Variants in PRKG2 observed in about 807,000 individuals in gnomAD.
PRKG2 encodes the protein cGMP-dependent protein kinase 2.
In PRKG2, 33 loss-of-function variants were observed where a neutral mutation model predicts 97.2. The ratio of observed to expected loss-of-function variants is 0.34; its 90% CI spans 0.26 to 0.45. The LOEUF (loss-of-function observed/expected upper bound fraction) is 0.45. Among genes scored for constraint, PRKG2 ranks in the 20% least tolerant of loss-of-function variants. The probability of loss-of-function intolerance (pLI) is 1.00; values close to 1 mark genes in which losing one functional copy is unlikely to be tolerated. For missense variants in PRKG2, 638 were observed against 900.0 expected (o/e 0.71, Z 3.73); for synonymous variants, 330 against 321.8 (o/e 1.03, Z -0.27).
At chr4:81,097,979 T>C (rs1261017176) in intron 17 of PRKG2, among the ~76,000 whole-genome samples, 9 of 152,132 alleles carry the variant, frequency 5.9e-5, no homozygotes, top group African/African-American at 2.2e-4. Flanking sequence ...ATTGTGATGG[T>C]TAATAATGAG....
chr4:81,182,676 A>G (rs996560885), intron 2 of PRKG2, among the ~76,000 whole-genome samples: 1 of 152,126 alleles, frequency 6.6e-6, no homozygotes, highest in Admixed American at 6.5e-5. Context: ...GTAAACCACC[A>G]ATATCAACAG....
Position 81,204,698 on chromosome 4 carries a change from C to A in PRKG2, c.350G>T (p.Ser117Ile), listed in dbSNP as rs1375660918. Residue 117 changes from serine (S) to isoleucine (I), a missense_variant, in exon 2 of 19, where the codon AGC (serine) becomes ATC (isoleucine). Ser to Ile is a moderately radical substitution (Grantham distance 142). This residue lies in a region of PRKG2 where 332 missense variants were observed against 421.7 expected (regional missense o/e 0.79). Transcript: ENST00000264399. ...RKTSGLVSLH[S>I]RRGAKAGVSA... Reference sequence around the variant, plus strand: ...CACGCCAGCCTTTGCTCCCCTCCTGCTATGGAGAGAGACCAATCCAGAGGT... The same window carrying A: ...CACGCCAGCCTTTGCTCCCCTCCTGATATGGAGAGAGACCAATCCAGAGGT... 3 of 1,614,080 alleles carry A rather than the reference C, an allele frequency of 1.9e-6. No individual in the cohort carries two copies. The highest frequency in any genetic ancestry group is 1.7e-6 in the Non-Finnish European group (2 of 1,180,038).
At chr4:81,188,348 G>T (rs1221530011) in intron 2 of PRKG2, among the ~76,000 whole-genome samples, 2 of 149,402 alleles carry the variant, frequency 1.3e-5, no homozygotes. Flanking sequence ...AGTTAGAATG[G>T]CAATCATTAA....
intron 2 of PRKG2, among the ~76,000 whole-genome samples, chr4:81,187,895 G>C (rs886969790): frequency 6.6e-6 from 1 of 151,882 alleles, no homozygotes; most frequent in Non-Finnish European, 1.5e-5. Flanking sequence ...AGACTTAAAC[G>C]TTAGACCTAA....
chr4:81,136,667 T>A (rs1746731540), intron 13 of PRKG2, among the ~76,000 whole-genome samples: 2 of 152,174 alleles, frequency 1.3e-5, no homozygotes, highest in South Asian at 4.2e-4. Context: ...CCTTCCTCTA[T>A]CATCACATTC....
At chr4:81,148,828 A>C (rs1748107558) in intron 9 of PRKG2, 56 bp downstream of exon 9, 2 of 1,465,300 alleles carry the variant, frequency 1.4e-6, no homozygotes, top group Non-Finnish European at 1.9e-6. Flanking sequence ...AAGTAACAGA[A>C]GGCCAAGTCT....
In PRKG2 at chr4:81,204,574, G is replaced by A. The variant is rs374628854; in HGVS notation, c.461+13C>T. 3.1e-4 allele frequency: 496 copies of A among 1,605,718 alleles called. 1 individual carries two copies. The highest frequency in any genetic ancestry group is 3.7e-4 in the Non-Finnish European group (437 of 1,175,760). ...AAGCCCATCTGAGTTTAAAGGATGC[G>A]GAAATTTCTTACCTGGAGTCTTTTC... On this transcript the variant is annotated intron_variant, in intron 2 of 18. Coordinates refer to ENST00000264399, the MANE Select transcript of PRKG2 (RefSeq NM_006259.3).
chr4:81,105,136 C>A (rs535596800), intron 16 of PRKG2, among the ~76,000 whole-genome samples: 1 of 152,072 alleles, frequency 6.6e-6, no homozygotes, highest in Admixed American at 6.6e-5. Flanking sequence ...AAATTCGTTA[C>A]GCGTATATAA....
rs552215175 is a variant in PRKG2, at chr4:81,110,687, G to A, written c.1777-76C>T. ...CTCTTTAAGCCTCCCTCTTACCTCT[G>A]AAATCTGCTTTCTACACCCCACCCT... On this transcript the variant is annotated intron_variant, in intron 14 of 18. Transcript: ENST00000264399. The A allele has an allele frequency of 1.2e-4, 182 of 1,513,044 alleles. No homozygotes were observed. In the African/African-American group the frequency reaches 1.6e-3, roughly 13 times the overall value. The allele number at this position is 1,513,044 out of a possible 1,614,324, so 93.7% of individuals were successfully genotyped here. A position where few individuals can be genotyped will look rare whatever the true frequency, so the allele number is the denominator to read the frequency against.
At chr4:81,200,656 G>A (rs921175579) in intron 2 of PRKG2, among the ~76,000 whole-genome samples, 3 of 152,018 alleles carry the variant, frequency 2.0e-5, no homozygotes, top group African/African-American at 4.8e-5. Context: ...CACCAACCAC[G>A]GTATATTCCA....
chr4:81,092,104 C>T (rs1486710919), intron 18 of PRKG2, among the ~76,000 whole-genome samples: 1 of 151,770 alleles, frequency 6.6e-6, no homozygotes, highest in Non-Finnish European at 1.5e-5. Flanking sequence ...CAAATTTATA[C>T]AGTCATTTGT....
At chr4:81,141,777 C>T (rs6837293) in intron 11 of PRKG2, among the ~76,000 whole-genome samples, 57,859 of 151,308 alleles carry the variant, frequency 0.38, 16,826 homozygotes, top group African/African-American at 0.81. Flanking sequence ...CAAACTTTGA[C>T]GAAAAATACC....
upstream of PRKG2, among the ~76,000 whole-genome samples, chr4:81,215,675 CAT>C (rs1378289555): frequency 6.6e-6 from 1 of 151,232 alleles, no homozygotes; most frequent in Non-Finnish European, 1.5e-5. Context: ...TCTACGAAGA[CAT>C]GTGACCCCGA....
chr4:81,184,596 C>T (rs558160027), intron 2 of PRKG2, among the ~76,000 whole-genome samples: 2 of 152,276 alleles, frequency 1.3e-5, no homozygotes, highest in South Asian at 4.1e-4. Flanking sequence ...CAAAGGACCA[C>T]AGCTCCTCAC....
chr4:81,121,748 C>G (rs1444854859), intron 14 of PRKG2, among the ~76,000 whole-genome samples: 1 of 150,842 alleles, frequency 6.6e-6, no homozygotes, highest in Non-Finnish European at 1.5e-5. Flanking sequence ...CTTAGTTAAT[C>G]TGGATAGAGA....
intron 2 of PRKG2, among the ~76,000 whole-genome samples, chr4:81,188,409 T>TAC: frequency 7.0e-6 from 1 of 143,498 alleles, no homozygotes; most frequent in South Asian, 2.2e-4. Context: ...ATAGGAACAC[T>TAC]TTGACACTGT....
chr4:81,128,414 T>G (rs1310956655), intron 14 of PRKG2, among the ~76,000 whole-genome samples: 1 of 152,220 alleles, frequency 6.6e-6, no homozygotes, highest in African/African-American at 2.4e-5. Context: ...TGGTACCAGC[T>G]CCTCTTTGTA....
rs78654725 is a variant in PRKG2, at chr4:81,151,594, C to T, written c.1085+366G>A. Among the ~76,000 whole-genome samples, 1,142 of 151,950 alleles carry T rather than the reference C, an allele frequency of 7.5e-3. 4 individuals carry two copies. The highest frequency in any genetic ancestry group is 0.011 in the Non-Finnish European group (721 of 67,922). ...GCACACAAAATATATAAAATTATTT[C>T]GTAATTTTTAAAAAGGTGAAAACTC... is the stretch of plus-strand genomic sequence containing the variant. On this transcript the variant is annotated intron_variant, in intron 8 of 18. Coordinates refer to ENST00000264399, the MANE Select transcript of PRKG2 (RefSeq NM_006259.3).
rs556252420 is a variant in PRKG2, at chr4:81,185,201, G to GA, written c.462-10243dup. Among the ~76,000 whole-genome samples the GA allele has an allele frequency of 2.0e-3, 308 of 152,194 alleles. 2 individuals carry two copies. Among genetic ancestry groups the GA allele is most frequent in the African/African-American group, 5.0e-3 (209 of 41,520 alleles). On this transcript the variant is annotated intron_variant, in intron 2 of 18. Coordinates refer to ENST00000264399, the MANE Select transcript of PRKG2 (RefSeq NM_006259.3). Reference sequence around the variant, plus strand: ...TCAGATTCACCAAGGTTGAAATGGAGAAAAAATGTTAAGGGCAGCCAGAGA... The same window carrying GA: ...TCAGATTCACCAAGGTTGAAATGGAGAAAAAAATGTTAAGGGCAGCCAGAGA...
Sources: allele counts gnomAD v4.1 joint callset (sites outside exome capture counted in the v4.1 genomes callset), GRCh38; gene constraint gnomAD v4.1.1; regional missense constraint gnomAD v4.1.1; transcripts MANE v1.5; gene names NCBI Gene and HGNC (gene_info 2026-07-23, HGNC 2026-07-21).